Variants in SV2B observed in about 807,000 individuals in gnomAD.
SV2B encodes synaptic vesicle glycoprotein 2B.
A neutral mutation model predicts 73.9 loss-of-function variants in SV2B; 41 were observed. The observed-to-expected ratio is 0.56, with a 90% CI of 0.43 to 0.72. The LOEUF is 0.72. Ranked by LOEUF, SV2B falls within the 30% of genes least tolerant of loss-of-function variation. The pLI is 0.00. For missense variants in SV2B, 764 were observed against 857.8 expected, an observed-to-expected ratio of 0.89 and a Z score of 1.37; for synonymous variants, 314 against 314.2, an observed-to-expected ratio of 1.00 and a Z score of 0.01.
At chr15:91,186,551 A>G (rs187164960) in intron 1 of SV2B, among the ~76,000 whole-genome samples, 1 of 152,340 alleles carries the variant, frequency 6.6e-6, no homozygotes, top group African/African-American at 2.4e-5. Context: ...GTTATCAACA[A>G]GTTGTAGGGT....
chr15:91,209,864 G>A (rs2045791245), intron 1 of SV2B, among the ~76,000 whole-genome samples: 1 of 152,168 alleles, frequency 6.6e-6, no homozygotes. Flanking sequence ...GTTACTCCAG[G>A]ATTTGGAGCA....
chr15:91,104,282 T>C (rs2041817767), intron 1 of SV2B, among the ~76,000 whole-genome samples: 1 of 152,242 alleles, frequency 6.6e-6, no homozygotes, highest in Admixed American at 6.5e-5. Flanking sequence ...GAGGGCTGGC[T>C]GCTTTAGGAT....
Position 91,283,943 on chromosome 15 carries a change from G to T in SV2B, c.1508-78G>T. On this transcript the variant is annotated intron_variant, in intron 10 of 12. Coordinates refer to ENST00000394232, the MANE Select transcript of SV2B (RefSeq NM_001323032.3). The surrounding 1 kb of genome is among the most constrained non-coding windows in gnomAD (Gnocchi z 4.3). ...CACAGCCTGCCTACAGGAGGGGGCAGACTTCATCCCTGCCTCTGCCTTTCT... is the reference window on the plus strand; with the variant it reads ...CACAGCCTGCCTACAGGAGGGGGCATACTTCATCCCTGCCTCTGCCTTTCT... 2 of 1,502,126 alleles carry T rather than the reference G, an allele frequency of 1.3e-6. No homozygotes were observed. The highest frequency in any genetic ancestry group is 9.2e-7 in the Non-Finnish European group (1 of 1,086,170). 93.0% of individuals were successfully genotyped at this position (1,502,126 alleles called of 1,614,324 possible). A position where few individuals can be genotyped will look rare whatever the true frequency, so the allele number is the denominator to read the frequency against.
rs181952487 is a variant in SV2B at position 91,172,562 on chromosome 15, G to A, written c.-391-53311G>A. Among the ~76,000 whole-genome samples, 8 of 152,328 alleles carry A rather than the reference G, an allele frequency of 5.3e-5. No homozygotes were observed. In the East Asian group the frequency reaches 1.2e-3, roughly 22 times the overall value. On this transcript the variant is annotated intron_variant, in intron 1 of 12. Transcript: ENST00000394232. The stretch of plus-strand genomic sequence containing the variant: ...CACGAAAGAGGAGGACTGGGTGCAG[G>A]CAGGCTGATGTGAGGCCCCCACAGC...
chr15:91,225,945 A>G lies in SV2B; in HGVS notation c.-319A>G, dbSNP rs1437402572. ...CAAGTCCTGCTCGCTCCCTGTCAAG[A>G]AAAACAGCTGGATCCATTTCTAATC... On this transcript the variant is annotated 5_prime_UTR_variant, in exon 2 of 13. Transcript: ENST00000394232. 1 of 356,624 alleles carries G rather than the reference A, an allele frequency of 2.8e-6. No individual in the cohort carries two copies. The highest frequency in any genetic ancestry group is 5.1e-6 in the Non-Finnish European group (1 of 195,450). 22.1% of individuals were successfully genotyped at this position (356,624 alleles called of 1,614,324 possible).
chr15:91,204,541 T>TTTC (rs1209171827), intron 1 of SV2B, among the ~76,000 whole-genome samples: 26 of 151,384 alleles, frequency 1.7e-4, no homozygotes, highest in East Asian at 7.7e-4. Flanking sequence ...ACTTATTTCT[T>TTTC]TTCTTCTTCT....
intron 1 of SV2B, among the ~76,000 whole-genome samples, chr15:91,173,907 C>T (rs1325155873): frequency 1.3e-5 from 2 of 152,172 alleles, no homozygotes; most frequent in South Asian, 4.1e-4. Context: ...ATGCCTTTTT[C>T]TTCTCTATCT....
intron 4 of SV2B, among the ~76,000 whole-genome samples, chr15:91,256,659 A>G (rs146579381): frequency 7.4e-4 from 112 of 152,348 alleles, no homozygotes; most frequent in Middle Eastern, 3.4e-3. Flanking sequence ...CAGTGAGATG[A>G]TAAGAGACCA....
At chr15:91,170,375 C>T (rs532078216) in intron 1 of SV2B, among the ~76,000 whole-genome samples, 87 of 152,260 alleles carry the variant, frequency 5.7e-4, no homozygotes, top group Non-Finnish European at 1.0e-3. Context: ...GCAACCTCCA[C>T]CTCCCGGGTT....
chr15:91,174,747 T>G (rs2044242281), intron 1 of SV2B, among the ~76,000 whole-genome samples: 1 of 152,196 alleles, frequency 6.6e-6, no homozygotes, highest in Non-Finnish European at 1.5e-5. Context: ...GTGACATTTC[T>G]ATGTAGCTCA....
Position 91,289,771 on chromosome 15 carries a change from C to A in SV2B, c.1868+91C>A. 7.4e-7 allele frequency: 1 copy of A among 1,352,564 alleles called. No homozygotes were observed. Among genetic ancestry groups the A allele is most frequent in the Non-Finnish European group, 1.0e-6 (1 of 994,896 alleles). The allele number at this position is 1,352,564 out of a possible 1,614,324, so 83.8% of individuals were successfully genotyped here. A position where few individuals can be genotyped will look rare whatever the true frequency, so the allele number is the denominator to read the frequency against. The stretch of plus-strand genomic sequence containing the variant: ...TCCCTAAATCTCATGCTGTGCATGG[C>A]CATCGTGGTCTTTCTGCTGTTCCGT... On this transcript the variant is annotated intron_variant, in intron 12 of 12. Coordinates refer to ENST00000394232, the MANE Select transcript of SV2B (RefSeq NM_001323032.3). This position sits in a 1 kb window ranked among gnomAD's most constrained non-coding sequence, Gnocchi z 4.9.
rs2049291563 is a variant in SV2B, at chr15:91,297,427, T to C, written c.*4875T>C. The C allele has an allele frequency of 6.6e-6, 1 of 152,248 alleles. No individual in the cohort carries two copies. The highest frequency in any genetic ancestry group is 2.4e-5 in the African/African-American group (1 of 41,440). The allele number at this position is 152,248 out of a possible 1,614,324, so 9.4% of individuals were successfully genotyped here. On this transcript the variant is annotated 3_prime_UTR_variant, in exon 13 of 13. Transcript: ENST00000394232. This position sits in a 1 kb window ranked among gnomAD's most constrained non-coding sequence, Gnocchi z 5.1. ...CAGAAAGGATAGGTGGATTAGTGCT[T>C]CTTAAACTTTTGCGTGCATCAGAAT... is the stretch of plus-strand genomic sequence containing the variant.
At chr15:91,173,330 G>A (rs934285400) in intron 1 of SV2B, among the ~76,000 whole-genome samples, 1 of 152,186 alleles carries the variant, frequency 6.6e-6, no homozygotes, top group Non-Finnish European at 1.5e-5. Context: ...CCACCAGTGC[G>A]TGGTACGAGC....
intron 1 of SV2B, among the ~76,000 whole-genome samples, chr15:91,157,378 C>CT (rs143739409): frequency 0.018 from 2,718 of 152,246 alleles, 98 homozygotes; most frequent in African/African-American, 0.062. Flanking sequence ...CTTTGTTCCT[C>CT]TTTTTCCTTC....
intron 1 of SV2B, among the ~76,000 whole-genome samples, chr15:91,206,372 C>A (rs892812175): frequency 6.6e-6 from 1 of 152,046 alleles, no homozygotes; most frequent in African/African-American, 2.4e-5. Context: ...AAGGAAGCTC[C>A]CCCTTCCAGC....
rs77127879 is a variant in SV2B, at chr15:91,139,188, G to T, written c.-392+38825G>T. On this transcript the variant is annotated intron_variant, in intron 1 of 12. Transcript: ENST00000394232. This position sits in a 1 kb window ranked among gnomAD's most constrained non-coding sequence, Gnocchi z 5.2. ...CTGTGCTTCACAATCATCCAATGGT[G>T]GTGTGAAGGGAAGGAGGTTGGAGAA... Among the ~76,000 whole-genome samples the T allele has an allele frequency of 0.12, 18,267 of 152,132 alleles. 1,183 individuals carry two copies. Among genetic ancestry groups the T allele is most frequent in the African/African-American group, 0.14 (5,803 of 41,480 alleles).
At position 91,241,355 on chromosome 15, in the gene SV2B, C is replaced by T. The variant is rs911466525; in HGVS notation, c.452-10464C>T. On this transcript the variant is annotated intron_variant, in intron 2 of 12. Transcript: ENST00000394232. The surrounding 1 kb of genome is among the most constrained non-coding windows in gnomAD (Gnocchi z 4.8). ...TTTTCCTCCATCTGTCCCTAAACCCCGTTGCTGCACCTGGGTGGTCAGGAA... is the reference window on the plus strand; with the variant it reads ...TTTTCCTCCATCTGTCCCTAAACCCTGTTGCTGCACCTGGGTGGTCAGGAA... 6.6e-6 allele frequency among the ~76,000 whole-genome samples: 1 copy of T among 152,130 alleles called. No individual in the cohort carries two copies. Among genetic ancestry groups the T allele is most frequent in the Non-Finnish European group, 1.5e-5 (1 of 68,024 alleles).
At chr15:91,198,631 G>GAAA (rs1213465148) in intron 1 of SV2B, among the ~76,000 whole-genome samples, 1 of 152,240 alleles carries the variant, frequency 6.6e-6, no homozygotes, top group Non-Finnish European at 1.5e-5. Context: ...ATGAGTAAAA[G>GAAA]GGTTTCTGCT....
chr15:91,234,973 T>C lies in SV2B; in HGVS notation c.451+8259T>C, dbSNP rs966583442. On this transcript the variant is annotated intron_variant, in intron 2 of 12. Transcript: ENST00000394232. This position sits in a 1 kb window ranked among gnomAD's most constrained non-coding sequence, Gnocchi z 5.6. Reference sequence around the variant, plus strand: ...GGTGGTTAGGTGATCAATGGAGTTTTAGCTCAGGTCCATCTCACAGCGGGT... The same window carrying C: ...GGTGGTTAGGTGATCAATGGAGTTTCAGCTCAGGTCCATCTCACAGCGGGT... Among the ~76,000 whole-genome samples, 1 of 152,220 alleles carries C rather than the reference T, an allele frequency of 6.6e-6. No individual in the cohort carries two copies. The highest frequency in any genetic ancestry group is 2.4e-5 in the African/African-American group (1 of 41,458).
Sources: allele counts gnomAD v4.1 joint callset (sites outside exome capture counted in the v4.1 genomes callset), GRCh38; gene constraint gnomAD v4.1.1; non-coding constraint Gnocchi (gnomAD v3.1); transcripts MANE v1.5; gene names NCBI Gene and HGNC (gene_info 2026-07-23, HGNC 2026-07-21).